ZBTB20: variants seen among roughly 807,000 people sequenced by gnomAD.
ZBTB20 encodes zinc finger and BTB domain containing 20.
ZBTB20 carries 9 observed loss-of-function variants against 56.9 expected under a neutral mutation model. The observed-to-expected ratio is 0.16, with a 90% CI of 0.10 to 0.28. The LOEUF is 0.28. Ranked by LOEUF, ZBTB20 falls within the 10% of genes least tolerant of loss-of-function variation. ZBTB20 has a pLI of 1.00. For synonymous variants in ZBTB20, 417 were observed against 420.7 expected (o/e 0.99, Z 0.11); for missense variants, 655 against 1,003.0 (o/e 0.65, Z 4.69).
intron 8 of ZBTB20, chr3:114,387,224 GGCCC>G (rs2085254068): frequency 6.6e-6 from 1 of 152,002 alleles, no homozygotes; most frequent in Non-Finnish European, 1.5e-5. Context: ...CTTGTGACTA[GGCCC>G]GAAGCATTGT....
chr3:114,484,205 T>C (rs574273534), intron 7 of ZBTB20, among the ~76,000 whole-genome samples: 1 of 152,300 alleles, frequency 6.6e-6, no homozygotes, highest in South Asian at 2.1e-4. Context: ...TGAGAGTATA[T>C]GTGTAAATAT....
At chr3:114,867,723 C>G (rs2075823632) in intron 4 of ZBTB20, among the ~76,000 whole-genome samples, 1 of 152,188 alleles carries the variant, frequency 6.6e-6, no homozygotes, top group Admixed American at 6.5e-5. Flanking sequence ...GAGTGAGCCA[C>G]CGCACCTGCC....
intron 2 of ZBTB20, among the ~76,000 whole-genome samples, chr3:115,010,211 GAAGT>G (rs1477769978): frequency 6.6e-6 from 1 of 151,938 alleles, no homozygotes. Flanking sequence ...GTCCTGAAGA[GAAGT>G]ACACAGGCCT....
At chr3:114,855,814 T>C (rs1378457783) in intron 4 of ZBTB20, among the ~76,000 whole-genome samples, 1 of 152,188 alleles carries the variant, frequency 6.6e-6, no homozygotes, top group African/African-American at 2.4e-5. Flanking sequence ...TGTGGGGATA[T>C]GTGTTTGTGC....
intron 6 of ZBTB20, among the ~76,000 whole-genome samples, chr3:114,691,993 C>G (rs1578369181): frequency 6.6e-6 from 1 of 152,046 alleles, no homozygotes; most frequent in Non-Finnish European, 1.5e-5. Flanking sequence ...TAGTTTAAAT[C>G]TCCATACCTA....
intron 6 of ZBTB20, among the ~76,000 whole-genome samples, chr3:114,671,750 C>T (rs556942924): frequency 1.3e-5 from 2 of 152,150 alleles, no homozygotes; most frequent in South Asian, 2.1e-4. Context: ...CTTAGAGAGA[C>T]TCACAAAATG....
chr3:115,033,635 T>C (rs1462106578), intron 2 of ZBTB20, among the ~76,000 whole-genome samples: 1 of 151,564 alleles, frequency 6.6e-6, no homozygotes, highest in African/African-American at 2.4e-5. Context: ...AACAGATGAA[T>C]AGATAAAGAA....
chr3:114,828,447 C>A (rs186432367), intron 4 of ZBTB20, among the ~76,000 whole-genome samples: 1 of 151,624 alleles, frequency 6.6e-6, no homozygotes, highest in African/African-American at 2.4e-5. Flanking sequence ...ATATACTTTC[C>A]ATTTTTGCTA....
At chr3:115,146,450 T>C (rs1004690532) in intron 1 of ZBTB20, among the ~76,000 whole-genome samples, 1 of 152,134 alleles carries the variant, frequency 6.6e-6, no homozygotes, top group Non-Finnish European at 1.5e-5. Context: ...CGGCATTTGT[T>C]TTAAACTTTC....
At chr3:114,467,454 G>A (rs2092598564) in intron 7 of ZBTB20, among the ~76,000 whole-genome samples, 1 of 152,152 alleles carries the variant, frequency 6.6e-6, no homozygotes, top group Non-Finnish European at 1.5e-5. Context: ...GGTGAAGAAT[G>A]CTTCAAATGC....
chr3:115,081,520 A>G (rs2082795182), intron 1 of ZBTB20, among the ~76,000 whole-genome samples: 1 of 152,150 alleles, frequency 6.6e-6, no homozygotes, highest in East Asian at 1.9e-4. Flanking sequence ...AGTAATTTCT[A>G]TGTGCTAGAG....
chr3:114,890,606 G>T (rs971621648), intron 4 of ZBTB20, among the ~76,000 whole-genome samples: 1 of 152,102 alleles, frequency 6.6e-6, no homozygotes, highest in Non-Finnish European at 1.5e-5. Flanking sequence ...GTCCTGGGGT[G>T]GGGAGACGGG....
At chr3:114,453,112 G>C (rs543604416) in intron 7 of ZBTB20, among the ~76,000 whole-genome samples, 1 of 152,206 alleles carries the variant, frequency 6.6e-6, no homozygotes, top group Admixed American at 6.5e-5. Context: ...TTTTGTTGGA[G>C]CATTAATTTG....
intron 2 of ZBTB20, among the ~76,000 whole-genome samples, chr3:115,012,539 C>T (rs2079767953): frequency 6.6e-6 from 1 of 151,550 alleles, no homozygotes. Context: ...AATATAGGTA[C>T]CCAACACTAG....
intron 4 of ZBTB20, among the ~76,000 whole-genome samples, chr3:114,841,329 T>C (rs1481020713): frequency 3.3e-5 from 5 of 152,008 alleles, no homozygotes; most frequent in African/African-American, 9.7e-5. Flanking sequence ...GTAGAACATA[T>C]GCAAAGACCA....
At chr3:114,533,083 C>G (rs898652756) in intron 6 of ZBTB20, among the ~76,000 whole-genome samples, 7 of 152,044 alleles carry the variant, frequency 4.6e-5, no homozygotes, top group African/African-American at 1.7e-4. Flanking sequence ...TGTCGTTTCT[C>G]CTCCAAAAAA....
chr3:115,090,921 T>G (rs2083167099), intron 1 of ZBTB20, among the ~76,000 whole-genome samples: 1 of 151,854 alleles, frequency 6.6e-6, no homozygotes, highest in African/African-American at 2.4e-5. Context: ...TGTGTGAAAT[T>G]TAAAACTTAG....
chr3:115,029,222 T>C (rs1399903305), intron 2 of ZBTB20, among the ~76,000 whole-genome samples: 1 of 150,766 alleles, frequency 6.6e-6, no homozygotes, highest in Non-Finnish European at 1.5e-5. Context: ...TTCTAAGTAA[T>C]GTTAAAAAAT....
chr3:114,963,170 G>C (rs576937052), intron 3 of ZBTB20, among the ~76,000 whole-genome samples: 1 of 152,084 alleles, frequency 6.6e-6, no homozygotes, highest in African/African-American at 2.4e-5. Flanking sequence ...TAATGTGAAA[G>C]AGGTAGTAAT....
Sources: gnomAD v4.1 joint callset for allele counts (sites outside exome capture counted in the v4.1 genomes callset) on GRCh38, gnomAD v4.1.1 for gene constraint, MANE v1.5 for transcripts, NCBI Gene and HGNC (gene_info 2026-07-23, HGNC 2026-07-21) for gene names.